NEMP1: variants seen among roughly 807,000 people sequenced by gnomAD.
The protein encoded by NEMP1 is transmembrane protein 194.
In NEMP1, 29 loss-of-function variants were observed where a neutral mutation model predicts 53.7. The observed-to-expected ratio is 0.54, with a 90% CI of 0.40 to 0.74. The LOEUF is 0.74. NEMP1 is among the 30% of genes least tolerant of loss of function. The pLI, the probability that NEMP1 is intolerant of heterozygous loss-of-function variation, is 0.00. For synonymous variants in NEMP1, 193 were observed against 192.9 expected (o/e 1.00, Z 0.00); for missense variants, 477 against 528.6 (o/e 0.90, Z 0.96).
upstream of NEMP1, among the ~76,000 whole-genome samples, chr12:57,079,704 A>G (rs2032785560): frequency 6.6e-6 from 1 of 152,188 alleles, no homozygotes; most frequent in Non-Finnish European, 1.5e-5. Flanking sequence ...ATAGAGCCAA[A>G]TGAATTGAGG....
At chr12:57,087,531 G>A (rs1390997833) in intron 1 of NEMP1, among the ~76,000 whole-genome samples, 2 of 152,178 alleles carry the variant, frequency 1.3e-5, no homozygotes, top group Non-Finnish European at 2.9e-5. Flanking sequence ...CCAGTTGCGG[G>A]GCGGGGGACT....
Position 57,058,897 on chromosome 12 carries a change from T to C in NEMP1, c.*982A>G, listed in dbSNP as rs2031659020. The C allele has an allele frequency of 6.6e-6, 1 of 152,126 alleles. No homozygotes were observed. The highest frequency in any genetic ancestry group is 2.4e-5 in the African/African-American group (1 of 41,410). 9.4% of individuals were successfully genotyped at this position (152,126 alleles called of 1,614,324 possible). ...TCCTGATTTCATAGCAACTCAAAGA[T>C]AACATGACCCAATGACAGGAAAATG... On this transcript the variant is annotated 3_prime_UTR_variant, in exon 9 of 9. Coordinates refer to ENST00000300128, the MANE Select transcript of NEMP1 (RefSeq NM_001130963.2).
rs1333774382 is a variant in NEMP1, at chr12:57,087,188, C to G, written n.113+763G>C. Among the ~76,000 whole-genome samples, 5 of 152,376 alleles carry G rather than the reference C, an allele frequency of 3.3e-5. No individual in the cohort carries two copies. The East Asian group carries it at 9.6e-4, about 29-fold the overall frequency. ...CTCTTTCCCGGATCAGGACCGGGAC[C>G]CGGGCGCCCCGCGCCCAGTAGGTTG... On this transcript the variant is annotated intron_variant and non_coding_transcript_variant, in intron 1 of 2. Transcript: ENST00000553654.
At chr12:57,073,488 A>C (rs111432418) in intron 1 of NEMP1, among the ~76,000 whole-genome samples, 13,739 of 152,046 alleles carry the variant, frequency 0.09, 646 homozygotes, top group East Asian at 0.18. Flanking sequence ...ACTAAAATAC[A>C]AAAACATTAG....
At chr12:57,065,991 A>T (rs2032055011) in intron 4 of NEMP1, among the ~76,000 whole-genome samples, 1 of 152,036 alleles carries the variant, frequency 6.6e-6, no homozygotes, top group South Asian at 2.1e-4. Flanking sequence ...ATGGTGGCTC[A>T]AGCCTGTAAT....
rs375078911 is a variant in NEMP1 at position 57,070,539 on chromosome 12, G to A, written c.472+135C>T. The A allele has an allele frequency of 1.3e-4, 87 of 688,122 alleles. No homozygotes were observed. The South Asian group carries it at 1.6e-3, about 13-fold the overall frequency. The allele number at this position is 688,122 out of a possible 1,614,324, so 42.6% of individuals were successfully genotyped here. On this transcript the variant is annotated intron_variant, in intron 3 of 8. Transcript: ENST00000300128. The stretch of plus-strand genomic sequence containing the variant: ...AAGTCTCCATGAACTGTTTAGAGCA[G>A]TGGTATACTCAGGGTTATAATCAGA...
chr12:57,072,268 T>C (rs1189192610), intron 2 of NEMP1, among the ~76,000 whole-genome samples: 1 of 151,974 alleles, frequency 6.6e-6, no homozygotes, highest in Non-Finnish European at 1.5e-5. Context: ...TGAAACCCCA[T>C]CTCTACAAAA....
At chr12:57,073,962 T>A (rs927504409) in intron 1 of NEMP1, among the ~76,000 whole-genome samples, 4 of 151,800 alleles carry the variant, frequency 2.6e-5, no homozygotes, top group African/African-American at 9.7e-5. Context: ...GCAGGTTTTT[T>A]ATTTTATTTT....
At chr12:57,064,831 T>A in intron 4 of NEMP1, 92 bp from the exon 5 acceptor site, 1 of 940,464 alleles carries the variant, frequency 1.1e-6, no homozygotes, top group Non-Finnish European at 1.6e-6. Flanking sequence ...CGAAAGATTT[T>A]AAAAGGTACA....
At chr12:57,060,489 C>T (rs2031746254) in intron 8 of NEMP1, among the ~76,000 whole-genome samples, 1 of 152,092 alleles carries the variant, frequency 6.6e-6, no homozygotes, top group Admixed American at 6.6e-5. Context: ...TAGGGGGGAA[C>T]CCTACCAACT....
rs1349849256 is a variant in NEMP1 at position 57,070,656 on chromosome 12, A to T, written c.472+18T>A. 1 of 1,545,376 alleles carries T rather than the reference A, an allele frequency of 6.5e-7. No homozygotes were observed. The highest frequency in any genetic ancestry group is 1.2e-5 in the South Asian group (1 of 83,882). ...TTATCACTACAGAATCCATCAGAAA[A>T]ACAGAGGTGAGACTTACTCCGGATC... On this transcript the variant is annotated intron_variant, in intron 3 of 8. Coordinates refer to ENST00000300128, the MANE Select transcript of NEMP1 (RefSeq NM_001130963.2).
At chr12:57,068,696 G>A (rs374595859) in intron 4 of NEMP1, among the ~76,000 whole-genome samples, 1 of 150,466 alleles carries the variant, frequency 6.6e-6, no homozygotes, top group East Asian at 1.9e-4. Flanking sequence ...CTCACAAGTA[G>A]CTGGGACTAC....
intron 1 of NEMP1, among the ~76,000 whole-genome samples, chr12:57,077,225 G>A (rs1046576973): frequency 3.0e-4 from 45 of 149,312 alleles, no homozygotes; most frequent in African/African-American, 1.0e-3. Flanking sequence ...CCAGCTACTC[G>A]GGAGGCTGAG....
At chr12:57,086,165 G>C (rs563745197) in intron 1 of NEMP1, among the ~76,000 whole-genome samples, 3 of 151,598 alleles carry the variant, frequency 2.0e-5, no homozygotes, top group African/African-American at 7.3e-5. Flanking sequence ...GGAGTGAGCA[G>C]AGCAATCTGC....
chr12:57,072,719 CAA>C (rs1369846197), intron 2 of NEMP1, 67 bp downstream of exon 2: 56 of 1,505,182 alleles, frequency 3.7e-5, no homozygotes, highest in Non-Finnish European at 5.0e-5. Flanking sequence ...AAGAAAGTGT[CAA>C]AATACTCACT....
intron 1 of NEMP1, among the ~76,000 whole-genome samples, chr12:57,077,768 T>C (rs2032701860): frequency 6.6e-6 from 1 of 152,162 alleles, no homozygotes; most frequent in African/African-American, 2.4e-5. Flanking sequence ...AATTGTACCT[T>C]GCCAAATCAT....
intron 4 of NEMP1, among the ~76,000 whole-genome samples, chr12:57,068,074 C>G (rs867870956): frequency 9.3e-5 from 14 of 149,844 alleles, no homozygotes; most frequent in African/African-American, 2.7e-4. Context: ...ACCAGCCCCC[C>G]ATTCCAGATT....
chr12:57,087,569 C>T (rs1201897516), intron 1 of NEMP1, among the ~76,000 whole-genome samples: 1 of 152,038 alleles, frequency 6.6e-6, no homozygotes, highest in African/African-American at 2.4e-5. Context: ...TCGTTCCCAC[C>T]ACCCCCACTG....
chr12:57,078,325 G>A (rs1005663099), intron 1 of NEMP1, among the ~76,000 whole-genome samples: 1 of 152,004 alleles, frequency 6.6e-6, no homozygotes, highest in Non-Finnish European at 1.5e-5. Flanking sequence ...CTTCTGCAAC[G>A]AGACACAGCC....
Sources: allele counts gnomAD v4.1 joint callset (sites outside exome capture counted in the v4.1 genomes callset), GRCh38; gene constraint gnomAD v4.1.1; transcripts MANE v1.5; gene names NCBI Gene and HGNC (gene_info 2026-07-23, HGNC 2026-07-21).